The following CRACR2A variants were observed in gnomAD, a reference collection of about 807,000 sequenced individuals.
The protein encoded by CRACR2A is calcium release activated channel regulator 2A.
A neutral mutation model predicts 90.5 loss-of-function variants in CRACR2A; 79 were observed. The observed-to-expected ratio is 0.87, with a 90% CI of 0.73 to 1.05. The LOEUF (loss-of-function observed/expected upper bound fraction) is 1.05, where lower values mean the gene tolerates loss of function less well. Among genes scored for constraint, CRACR2A ranks in the 50% least tolerant of loss-of-function variants. CRACR2A has a pLI of 0.00. For missense variants in CRACR2A, 823 were observed against 897.2 expected (o/e 0.92, Z 1.06); for synonymous variants, 338 against 356.7 (o/e 0.95, Z 0.59).
chr12:3,623,360 C>T (rs1327967724), intron 17 of CRACR2A, among the ~76,000 whole-genome samples: 2 of 152,140 alleles, frequency 1.3e-5, no homozygotes, highest in Admixed American at 1.3e-4. Context: ...CTCACATGCC[C>T]AGGAATCTAG....
intron 3 of CRACR2A, among the ~76,000 whole-genome samples, chr12:3,708,671 G>A (rs564277437): frequency 7.9e-5 from 12 of 152,122 alleles, no homozygotes; most frequent in East Asian, 7.7e-4. Context: ...GTGATCCGCC[G>A]GCCTCGGCCT....
rs1260716906 is a variant in CRACR2A at position 3,713,325 on chromosome 12, A to G, written c.-117-8T>C. 6 of 984,730 alleles carry G rather than the reference A, an allele frequency of 6.1e-6. No homozygotes were observed. The African/African-American group carries it at 8.7e-5, about 14-fold the overall frequency. 61.0% of individuals were successfully genotyped at this position (984,730 alleles called of 1,614,324 possible). A position where few individuals can be genotyped will look rare whatever the true frequency, so the allele number is the denominator to read the frequency against. ...TGGTGACTTGAATTCCACCTAGGAA[A>G]CACACAAGAGATGAATCACACCTTA... On this transcript the variant is annotated splice_region_variant and splice_polypyrimidine_tract_variant and intron_variant, in intron 2 of 19. Coordinates refer to ENST00000440314, the MANE Select transcript of CRACR2A (RefSeq NM_001144958.2).
intron 17 of CRACR2A, among the ~76,000 whole-genome samples, chr12:3,623,718 C>T (rs561486824): frequency 3.9e-5 from 6 of 152,272 alleles, no homozygotes; most frequent in African/African-American, 7.2e-5. Flanking sequence ...TCAGGAGAAT[C>T]GGCACAGAGG....
chr12:3,648,703 T>C, intron 10 of CRACR2A, 90 bp from the exon 11 acceptor site: 1 of 1,517,698 alleles, frequency 6.6e-7, no homozygotes, highest in East Asian at 2.4e-5. Flanking sequence ...GGTGATGCCG[T>C]GCTGGGGATG....
At chr12:3,709,165 T>C (rs972242492) in intron 3 of CRACR2A, among the ~76,000 whole-genome samples, 1 of 152,204 alleles carries the variant, frequency 6.6e-6, no homozygotes, top group Non-Finnish European at 1.5e-5. Flanking sequence ...ATAAAAACTG[T>C]AGGCACAAAC....
chr12:3,727,235 T>C (rs767497476), intron 2 of CRACR2A: 2 of 150,278 alleles, frequency 1.3e-5, no homozygotes, highest in Non-Finnish European at 2.9e-5. Flanking sequence ...TTGGGAAAAG[T>C]TGTTGGGTAA....
In CRACR2A at chr12:3,633,677, G is replaced by A. The variant is rs756655299; in HGVS notation, c.1662C>T (p.Ser554=). The part of the protein sequence containing the change: ...RLFKIVFVGN[S]AVGKTSFLRR... ...TCAGGAAGGATGTCTTCCCCACCGCGGAATTGCCCACGAACACAATCTTGA... is the reference window on the plus strand; with the variant it reads ...TCAGGAAGGATGTCTTCCCCACCGCAGAATTGCCCACGAACACAATCTTGA... Residue 554 remains serine, a synonymous_variant, in exon 15 of 20, where the codon TCC becomes TCT. Coordinates refer to ENST00000440314, the MANE Select transcript of CRACR2A (RefSeq NM_001144958.2). This position sits in a 1 kb window ranked among gnomAD's most constrained non-coding sequence, Gnocchi z 4.5. The A allele has an allele frequency of 3.9e-6, 6 of 1,551,754 alleles. No homozygotes were observed. The highest frequency in any genetic ancestry group is 2.4e-5 in the East Asian group (1 of 40,912).
At chr12:3,725,186 T>C (rs747559407) in intron 2 of CRACR2A, among the ~76,000 whole-genome samples, 68 of 152,244 alleles carry the variant, frequency 4.5e-4, no homozygotes, top group Non-Finnish European at 9.1e-4. Flanking sequence ...CTCCACCCGT[T>C]AGGCAGGGTT....
At chr12:3,628,606 C>T (rs1944321384) in intron 15 of CRACR2A, among the ~76,000 whole-genome samples, 1 of 152,200 alleles carries the variant, frequency 6.6e-6, no homozygotes, top group African/African-American at 2.4e-5. Flanking sequence ...TAGGTCAGGA[C>T]CTCAACACAG....
Position 3,678,971 on chromosome 12 carries a change from C to T in CRACR2A, c.468G>A (p.Glu156=). The part of the protein sequence containing the change: ...DEDLGDMGED[E]EAQFRMLMDR... ...CCATCAGCATCCGGAACTGGGCTTC[C>T]TCATCTTCGCCCATGTCGCCCAGAT... The change falls in exon 6 of 20, where the codon GAG becomes GAA. Residue 156 remains glutamate (E), a synonymous_variant. Transcript: ENST00000440314. 1 of 1,613,786 alleles carries T rather than the reference C, an allele frequency of 6.2e-7. No individual in the cohort carries two copies. Among genetic ancestry groups the T allele is most frequent in the Non-Finnish European group, 8.5e-7 (1 of 1,179,870 alleles).
chr12:3,690,879 C>A (rs1374623756), intron 4 of CRACR2A, among the ~76,000 whole-genome samples: 1 of 152,146 alleles, frequency 6.6e-6, no homozygotes, highest in Non-Finnish European at 1.5e-5. Context: ...ATAGTTAGGT[C>A]TTCTTATTGA....
chr12:3,624,316 G>A (rs1944215171), intron 17 of CRACR2A, among the ~76,000 whole-genome samples: 1 of 152,192 alleles, frequency 6.6e-6, no homozygotes, highest in Admixed American at 6.5e-5. Context: ...CTCCAGGCGA[G>A]GGAGTTGGTA....
intron 2 of CRACR2A, among the ~76,000 whole-genome samples, chr12:3,718,281 G>A (rs996500932): frequency 3.9e-5 from 6 of 152,220 alleles, no homozygotes; most frequent in Non-Finnish European, 8.8e-5. Context: ...ACCCAGGGGC[G>A]TGGGCATCCT....
chr12:3,706,416 AG>A (rs1446940587), intron 3 of CRACR2A, among the ~76,000 whole-genome samples: 1 of 152,222 alleles, frequency 6.6e-6, no homozygotes, highest in Non-Finnish European at 1.5e-5. Flanking sequence ...ATAGTGAAGT[AG>A]GGGGCTTTGG....
rs571825704 is a variant in CRACR2A, at chr12:3,621,729, A to G, written c.1933-2357T>C. Among the ~76,000 whole-genome samples, 8 of 147,130 alleles carry G rather than the reference A, an allele frequency of 5.4e-5. No individual in the cohort carries two copies. The South Asian group carries it at 1.7e-3, about 32-fold the overall frequency. ...AAATAAAGGAGCTTAGAAGGAGCAG[A>G]AAAAAAAAATTTAAAAGCAAAGCAC... On this transcript the variant is annotated intron_variant, in intron 17 of 19. Transcript: ENST00000440314.
At chr12:3,659,436 A>T (rs1944981956) in intron 8 of CRACR2A, 128 bp downstream of exon 8, 2 of 727,630 alleles carry the variant, frequency 2.7e-6, no homozygotes, top group Non-Finnish European at 2.3e-6. Context: ...TGCCTTGAAA[A>T]AAAAATACAG....
At chr12:3,719,075 A>G (rs1443993935) in intron 2 of CRACR2A, among the ~76,000 whole-genome samples, 1 of 152,242 alleles carries the variant, frequency 6.6e-6, no homozygotes, top group Non-Finnish European at 1.5e-5. Context: ...TAGAGCACCC[A>G]AGAGAGAATG....
intron 7 of CRACR2A, among the ~76,000 whole-genome samples, chr12:3,670,045 A>C (rs958097536): frequency 6.6e-6 from 1 of 152,228 alleles, no homozygotes; most frequent in African/African-American, 2.4e-5. Context: ...ATTTCCAGGC[A>C]TCTAAGCGCT....
At chr12:3,710,260 C>G (rs1210662351) in intron 3 of CRACR2A, among the ~76,000 whole-genome samples, 1 of 152,198 alleles carries the variant, frequency 6.6e-6, no homozygotes, top group African/African-American at 2.4e-5. Context: ...ATAGCTCAGT[C>G]ATCTGGCATG....
Sources: gnomAD v4.1 joint callset for allele counts (sites outside exome capture counted in the v4.1 genomes callset) on GRCh38, gnomAD v4.1.1 for gene constraint, Gnocchi (gnomAD v3.1) non-coding constraint, MANE v1.5 for transcripts, NCBI Gene and HGNC (gene_info 2026-07-23, HGNC 2026-07-21) for gene names.